Variants in ITPR2 observed in about 807,000 individuals in gnomAD.
The protein encoded by ITPR2 is inositol 1,4,5-trisphosphate receptor type 2.
A neutral mutation model predicts 317.1 loss-of-function variants in ITPR2; 207 were observed. That is an observed-to-expected ratio of 0.65 (90% CI 0.58 to 0.73). The LOEUF is 0.73. Among genes scored for constraint, ITPR2 ranks in the 30% least tolerant of loss-of-function variants. The pLI is 0.00. For synonymous variants in ITPR2, 1,156 were observed against 1,149.1 expected (o/e 1.01, Z -0.12); for missense variants, 2,613 against 3,284.0 (o/e 0.80, Z 4.99).
chr12:26,472,982 G>T (rs549606884), intron 45 of ITPR2, among the ~76,000 whole-genome samples: 1 of 152,178 alleles, frequency 6.6e-6, no homozygotes, highest in East Asian at 1.9e-4. Context: ...CACCTTCCAG[G>T]TTCAAGTGAT....
At chr12:26,763,570 T>A (rs1276849723) in intron 2 of ITPR2, among the ~76,000 whole-genome samples, 4 of 152,132 alleles carry the variant, frequency 2.6e-5, no homozygotes, top group African/African-American at 9.7e-5. Flanking sequence ...CTAAGTTACT[T>A]GCAAGTGCTC....
At chr12:26,722,810 G>C (rs192803303) in intron 4 of ITPR2, among the ~76,000 whole-genome samples, 2 of 152,168 alleles carry the variant, frequency 1.3e-5, no homozygotes, top group Admixed American at 1.3e-4. Flanking sequence ...ACCCCTCCGA[G>C]TGATTTTCAT....
At chr12:26,768,375 T>C (rs1426925742) in intron 2 of ITPR2, among the ~76,000 whole-genome samples, 1 of 143,564 alleles carries the variant, frequency 7.0e-6, no homozygotes, top group Non-Finnish European at 1.5e-5. Context: ...GTAACTAACC[T>C]GCACAATGTG....
At chr12:26,508,876 G>A (rs372648769) in intron 37 of ITPR2, among the ~76,000 whole-genome samples, 3 of 152,160 alleles carry the variant, frequency 2.0e-5, no homozygotes, top group Admixed American at 1.3e-4. Flanking sequence ...CATACATTCC[G>A]GCAATTCCAC....
chr12:26,496,741 A>C (rs1235583370), intron 37 of ITPR2, among the ~76,000 whole-genome samples: 5 of 152,052 alleles, frequency 3.3e-5, no homozygotes, highest in Non-Finnish European at 1.5e-5. Context: ...CAGGAGATAG[A>C]GACTATCCTG....
intron 26 of ITPR2, 151 bp downstream of exon 26, chr12:26,620,972 T>G: frequency 1.6e-6 from 1 of 637,544 alleles, no homozygotes; most frequent in Non-Finnish European, 2.7e-6. Flanking sequence ...GTTTACGGAG[T>G]TAATTGACAA....
rs1016838704 is a variant in ITPR2, at chr12:26,781,673, G to A, written c.163+8484C>T. On this transcript the variant is annotated intron_variant, in intron 2 of 56. Coordinates refer to ENST00000381340, the MANE Select transcript of ITPR2 (RefSeq NM_002223.4). ...AGTGTCAACTTGATTGGATTAAAGT[G>A]ATCAACTTGATTGCAAAGTATTGAT... Among the ~76,000 whole-genome samples, 9 of 152,164 alleles carry A rather than the reference G, an allele frequency of 5.9e-5. No individual in the cohort carries two copies. The East Asian group carries it at 1.7e-3, about 29-fold the overall frequency.
chr12:26,410,188 T>C (rs889396951), intron 52 of ITPR2, among the ~76,000 whole-genome samples: 2 of 152,088 alleles, frequency 1.3e-5, no homozygotes, highest in Non-Finnish European at 2.9e-5. Flanking sequence ...TAGCAGGATT[T>C]TAGAAACTGC....
chr12:26,632,428 C>T (rs553401546), intron 21 of ITPR2, among the ~76,000 whole-genome samples: 1 of 152,164 alleles, frequency 6.6e-6, no homozygotes, highest in Non-Finnish European at 1.5e-5. Flanking sequence ...TTACTAATCG[C>T]CAAGATAAAG....
intron 2 of ITPR2, among the ~76,000 whole-genome samples, chr12:26,741,607 C>G (rs1045757064): frequency 1.3e-5 from 2 of 152,130 alleles, no homozygotes; most frequent in Non-Finnish European, 2.9e-5. Context: ...GTGGGAACCA[C>G]GAGCCTACAG....
At chr12:26,534,555 A>G (rs973117482) in intron 37 of ITPR2, among the ~76,000 whole-genome samples, 3 of 152,210 alleles carry the variant, frequency 2.0e-5, no homozygotes, top group African/African-American at 4.8e-5. Flanking sequence ...CTCATTTAAC[A>G]ACGGAGTATT....
chr12:26,720,492 T>C (rs1437622203), intron 5 of ITPR2, among the ~76,000 whole-genome samples: 1 of 152,176 alleles, frequency 6.6e-6, no homozygotes, highest in Non-Finnish European at 1.5e-5. Context: ...ACGCTACCTA[T>C]TTTAGGGAAA....
chr12:26,598,777 A>G (rs1353782000), intron 30 of ITPR2, among the ~76,000 whole-genome samples: 1 of 152,342 alleles, frequency 6.6e-6, no homozygotes, highest in Non-Finnish European at 1.5e-5. Context: ...TCAGAAACAG[A>G]GCAATAAAGG....
chr12:26,670,352 C>T (rs1341736244), intron 13 of ITPR2, among the ~76,000 whole-genome samples: 2 of 152,190 alleles, frequency 1.3e-5, no homozygotes, highest in Non-Finnish European at 2.9e-5. Context: ...TGAGACAAAA[C>T]TTCCAGAGGA....
intron 21 of ITPR2, among the ~76,000 whole-genome samples, chr12:26,644,436 T>C (rs767070178): frequency 6.6e-6 from 1 of 152,148 alleles, no homozygotes; most frequent in Non-Finnish European, 1.5e-5. Context: ...CTGGCACCAT[T>C]ATATTAGTCT....
At chr12:26,524,397 T>C (rs1222534327) in intron 37 of ITPR2, among the ~76,000 whole-genome samples, 1 of 152,204 alleles carries the variant, frequency 6.6e-6, no homozygotes, top group East Asian at 1.9e-4. Flanking sequence ...TGCACAACTA[T>C]GAAATATTAT....
chr12:26,527,694 G>A (rs1444089167), intron 37 of ITPR2, among the ~76,000 whole-genome samples: 2 of 152,192 alleles, frequency 1.3e-5, no homozygotes, highest in Non-Finnish European at 2.9e-5. Flanking sequence ...CATCAGATAT[G>A]TTTCTGTGGG....
chr12:26,758,120 A>G lies in ITPR2; in HGVS notation c.163+32037T>C, dbSNP rs530994794. On this transcript the variant is annotated intron_variant, in intron 2 of 56. Coordinates refer to ENST00000381340, the MANE Select transcript of ITPR2 (RefSeq NM_002223.4). ...TAGCTTCTCCTGTCTCTATCTCTCA[A>G]TCTCACCAGAGTCAGTGTCATCCCC... 9.2e-5 allele frequency among the ~76,000 whole-genome samples: 14 copies of G among 152,036 alleles called. No homozygotes were observed. The South Asian group carries it at 1.0e-3, about 11-fold the overall frequency.
chr12:26,527,182 A>G (rs551606853), intron 37 of ITPR2, among the ~76,000 whole-genome samples: 1 of 152,348 alleles, frequency 6.6e-6, no homozygotes, highest in East Asian at 1.9e-4. Context: ...TAATCCACTT[A>G]GCAGGTAGTA....
Sources: gnomAD v4.1 joint callset for allele counts (sites outside exome capture counted in the v4.1 genomes callset) on GRCh38, gnomAD v4.1.1 for gene constraint, MANE v1.5 for transcripts, NCBI Gene and HGNC (gene_info 2026-07-23, HGNC 2026-07-21) for gene names.